RHOBTB3: variants seen among roughly 807,000 people sequenced by gnomAD.
The protein encoded by RHOBTB3 is Rho related BTB domain containing 3, also known as rho-related BTB domain-containing protein 3.
Under a neutral mutation model 67.2 loss-of-function variants are expected in RHOBTB3, and 47 were observed. That is an observed-to-expected ratio of 0.70 (90% CI 0.55 to 0.89). RHOBTB3 has a LOEUF of 0.89. Among genes scored for constraint, RHOBTB3 ranks in the 40% least tolerant of loss-of-function variants. The probability of loss-of-function intolerance (pLI) is 0.00; values close to 1 mark genes in which losing one functional copy is unlikely to be tolerated. For missense variants in RHOBTB3, 631 were observed against 750.0 expected (o/e 0.84, Z 1.85); for synonymous variants, 273 against 274.2 (o/e 1.00, Z 0.04).
intron 6 of RHOBTB3, among the ~76,000 whole-genome samples, chr5:95,762,195 C>T (rs1031768863): frequency 6.6e-6 from 1 of 152,154 alleles, no homozygotes; most frequent in African/African-American, 2.4e-5. Context: ...TCATTTGACT[C>T]CCTCCCCCAG....
chr5:95,727,251 T>A (rs139115219), upstream of RHOBTB3, among the ~76,000 whole-genome samples: 462 of 152,222 alleles, frequency 3.0e-3, 3 homozygotes, highest in African/African-American at 6.7e-3. Flanking sequence ...TCAAGCTGAT[T>A]TGAAGATTCT....
intron 7 of RHOBTB3, chr5:95,767,759 C>T (rs555396280): frequency 1.4e-6 from 1 of 696,016 alleles, no homozygotes; most frequent in South Asian, 1.5e-5. Flanking sequence ...TCAACAAAGA[C>T]TCATAGGGTT....
chr5:95,755,172 C>T (rs1162727318), intron 5 of RHOBTB3, among the ~76,000 whole-genome samples: 1 of 151,982 alleles, frequency 6.6e-6, no homozygotes, highest in East Asian at 1.9e-4. Context: ...TAACATTCTA[C>T]AGTTCCTGAA....
At chr5:95,770,705 ATTC>A in intron 8 of RHOBTB3, 1 of 470,690 alleles carries the variant, frequency 2.1e-6, no homozygotes, top group Non-Finnish European at 4.3e-6. Context: ...GGCATTTCTG[ATTC>A]CTAGAATAGG....
In RHOBTB3 at chr5:95,793,078, T is replaced by C; in HGVS notation, c.1740T>C (p.Val580=). 6.2e-7 allele frequency: 1 copy of C among 1,613,136 alleles called. No individual in the cohort carries two copies. Among genetic ancestry groups the C allele is most frequent in the Non-Finnish European group, 8.5e-7 (1 of 1,179,660 alleles). ...QDLSVEERSF[V]EKHRWPSNMY... is the part of the protein sequence containing the mutation. ...CTTCAGTGGAAGAACGCAGTTTTGT[T>C]GAAAAGCACAGATGGCCGTCGAATA... The change falls in exon 12 of 12, where the codon GTT becomes GTC. Residue 580 remains valine, a synonymous_variant. Transcript: ENST00000379982.
chr5:95,727,008 A>G (rs887413416), upstream of RHOBTB3, among the ~76,000 whole-genome samples: 2 of 151,250 alleles, frequency 1.3e-5, no homozygotes, highest in Non-Finnish European at 2.9e-5. Context: ...TTAGAAGTTT[A>G]TTCTGGAATT....
intron 8 of RHOBTB3, chr5:95,769,222 G>C (rs758747568): frequency 5.6e-6 from 2 of 355,074 alleles, no homozygotes; most frequent in African/African-American, 4.3e-5. Flanking sequence ...AAAAGATGGT[G>C]TGACTGTTAC....
At chr5:95,764,713 T>C (rs3777219) in intron 7 of RHOBTB3, among the ~76,000 whole-genome samples, 91,957 of 152,044 alleles carry the variant, frequency 0.6, 28,477 homozygotes, top group African/African-American at 0.7. Flanking sequence ...TTTTTTAATA[T>C]AGATGACTTT....
intron 10 of RHOBTB3, 86 bp from the exon 11 acceptor site, chr5:95,788,676 G>A (rs890244617): frequency 1.7e-5 from 15 of 858,860 alleles, no homozygotes; most frequent in Admixed American, 1.1e-4. Flanking sequence ...TGGGCTCTCC[G>A]TGATTGCTCC....
Position 95,747,003 on chromosome 5 carries a change from G to C in RHOBTB3, c.416-1330G>C, listed in dbSNP as rs141729339. Among the ~76,000 whole-genome samples, 446 of 152,290 alleles carry C rather than the reference G, an allele frequency of 2.9e-3. 4 individuals are homozygous for C. The highest frequency in any genetic ancestry group is 0.01 in the African/African-American group (427 of 41,540). ...GGAAGTTGCTGCATATGCGATGGGG[G>C]AGTTGCTCAAATGTCCTTTCAGGGC... is the stretch of plus-strand genomic sequence containing the variant. On this transcript the variant is annotated intron_variant, in intron 3 of 11. Coordinates refer to ENST00000379982, the MANE Select transcript of RHOBTB3 (RefSeq NM_014899.4).
rs1360316020 is a variant in RHOBTB3, at chr5:95,731,507, C to T, written c.-176C>T. On this transcript the variant is annotated 5_prime_UTR_variant, in exon 1 of 12. Transcript: ENST00000379982. The stretch of plus-strand genomic sequence containing the variant: ...AGCCCGCCCTGGTCCCCGGCTCGCT[C>T]GCTGGCTGGCGCGGCCCCGGCCCCG... 8.0e-6 allele frequency: 10 copies of T among 1,251,206 alleles called. No homozygotes were observed. Among genetic ancestry groups the T allele is most frequent in the Non-Finnish European group, 1.0e-5 (10 of 1,001,864 alleles). 77.5% of individuals were successfully genotyped at this position (1,251,206 alleles called of 1,614,324 possible).
rs73777812 is a variant in RHOBTB3, at chr5:95,764,179, G to A, written c.1161+559G>A. Among the ~76,000 whole-genome samples the A allele has an allele frequency of 4.4e-3, 665 of 152,236 alleles. 8 individuals are homozygous for A. Among genetic ancestry groups the A allele is most frequent in the African/African-American group, 0.015 (634 of 41,528 alleles). On this transcript the variant is annotated intron_variant, in intron 7 of 11. Coordinates refer to ENST00000379982, the MANE Select transcript of RHOBTB3 (RefSeq NM_014899.4). The stretch of plus-strand genomic sequence containing the variant: ...TCATGTCTTTAAAATGCTCGTTTGC[G>A]AATTCTGCCTTCTGAAACATTCCCC...
chr5:95,755,271 G>A, intron 5 of RHOBTB3, 125 bp from the exon 6 acceptor site: 1 of 702,698 alleles, frequency 1.4e-6, no homozygotes, highest in Non-Finnish European at 2.0e-6. Flanking sequence ...AATATTGGCT[G>A]TTTCTTATGC....
chr5:95,792,552 G>T (rs900439995), intron 11 of RHOBTB3, among the ~76,000 whole-genome samples: 1 of 151,970 alleles, frequency 6.6e-6, no homozygotes. Context: ...TAGCACTTTG[G>T]GAGTCCAAGG....
At chr5:95,760,082 G>T (rs974875559) in intron 6 of RHOBTB3, among the ~76,000 whole-genome samples, 1 of 151,956 alleles carries the variant, frequency 6.6e-6, no homozygotes, top group African/African-American at 2.4e-5. Context: ...ATTTAGGAGC[G>T]ACCTGTTTAA....
upstream of RHOBTB3, among the ~76,000 whole-genome samples, chr5:95,729,620 CTG>C (rs990644167): frequency 6.6e-6 from 1 of 152,198 alleles, no homozygotes; most frequent in African/African-American, 2.4e-5. Flanking sequence ...CAACAGATCT[CTG>C]TAACTTTTTC....
chr5:95,725,003 A>C (rs2112752958), intron 1 of RHOBTB3, among the ~76,000 whole-genome samples: 2 of 151,838 alleles, frequency 1.3e-5, no homozygotes, highest in Admixed American at 1.3e-4. Flanking sequence ...GTGAGACCCC[A>C]TGTCTTAAAA....
At chr5:95,774,703 A>G (rs904458269) in intron 8 of RHOBTB3, among the ~76,000 whole-genome samples, 3 of 152,106 alleles carry the variant, frequency 2.0e-5, no homozygotes, top group African/African-American at 7.2e-5. Context: ...CAGTGTATGA[A>G]AGTGCTTGTT....
intron 10 of RHOBTB3, among the ~76,000 whole-genome samples, chr5:95,788,265 G>A (rs1219508395): frequency 6.6e-6 from 1 of 152,218 alleles, no homozygotes; most frequent in East Asian, 1.9e-4. Context: ...CTCATTAAAA[G>A]CAAATATTTA....
Sources: allele counts gnomAD v4.1 joint callset (sites outside exome capture counted in the v4.1 genomes callset), GRCh38; gene constraint gnomAD v4.1.1; transcripts MANE v1.5; gene names NCBI Gene and HGNC (gene_info 2026-07-23, HGNC 2026-07-21).